The following SLC38A10 variants were observed in gnomAD, a reference collection of about 807,000 sequenced individuals.
SLC38A10 encodes the protein Sodium-coupled neutral amino acid transporter 10.
Under a neutral mutation model 81.0 loss-of-function variants are expected in SLC38A10, and 53 were observed. The observed-to-expected ratio is 0.65, with a 90% confidence interval of 0.53 to 0.82. SLC38A10 has a LOEUF of 0.82. SLC38A10 is among the 40% of genes least tolerant of loss of function. The pLI, the probability that SLC38A10 is intolerant of heterozygous loss-of-function variation, is 0.00. For missense variants in SLC38A10, 1,471 were observed against 1,545.0 expected, an observed-to-expected ratio of 0.95 and a Z score of 0.80; for synonymous variants, 665 against 655.3, an observed-to-expected ratio of 1.01 and a Z score of -0.23.
At position 81,274,171 on chromosome 17, in the gene SLC38A10, C is replaced by T. The variant is rs189410620; in HGVS notation, c.913-1544G>A. Among the ~76,000 whole-genome samples, 67 of 152,374 alleles carry T rather than the reference C, an allele frequency of 4.4e-4. No homozygotes were observed. In the East Asian group the frequency reaches 5.2e-3, roughly 12 times the overall value. On this transcript the variant is annotated intron_variant, in intron 8 of 15. Coordinates refer to ENST00000374759, the MANE Select transcript of SLC38A10 (RefSeq NM_001037984.3). Reference sequence around the variant, plus strand: ...GCGGAGGGACCCCACGGCCATATGACGGGCTCTGGCCTTGCCTCCTCGATC... The same window carrying T: ...GCGGAGGGACCCCACGGCCATATGATGGGCTCTGGCCTTGCCTCCTCGATC...
At position 81,247,187 on chromosome 17, in the gene SLC38A10, C is replaced by T. The variant is rs552833274; in HGVS notation, c.2066-126G>A. 3.9e-4 allele frequency: 364 copies of T among 930,892 alleles called. No individual in the cohort carries two copies. In the African/African-American group the frequency reaches 5.5e-3, roughly 14 times the overall value. 57.7% of individuals were successfully genotyped at this position (930,892 alleles called of 1,614,324 possible). A position where few individuals can be genotyped will look rare whatever the true frequency, so the allele number is the denominator to read the frequency against. On this transcript the variant is annotated intron_variant, in intron 14 of 15. Coordinates refer to ENST00000374759, the MANE Select transcript of SLC38A10 (RefSeq NM_001037984.3). ...GCAGGGAGTGTGCCCGAACACTGGC[C>T]ACTGGTGACACCCATCATGACTGTG...
intron 9 of SLC38A10, among the ~76,000 whole-genome samples, chr17:81,271,582 C>T (rs958579751): frequency 1.3e-5 from 2 of 152,114 alleles, no homozygotes; most frequent in Non-Finnish European, 1.5e-5. Flanking sequence ...GAGCCTTCAA[C>T]GCTTCCCTTG....
chr17:81,275,001 GTT>G (rs2063148401), intron 8 of SLC38A10, among the ~76,000 whole-genome samples: 1 of 152,178 alleles, frequency 6.6e-6, no homozygotes, highest in Non-Finnish European at 1.5e-5. Flanking sequence ...TGAACTCTTG[GTT>G]CAAGTGATCC....
chr17:81,248,621 C>T (rs2062875953), intron 14 of SLC38A10, among the ~76,000 whole-genome samples: 1 of 152,260 alleles, frequency 6.6e-6, no homozygotes, highest in Admixed American at 6.5e-5. Context: ...AAGTTCAATC[C>T]AGGAGCGAGA....
At chr17:81,278,397 AC>A (rs2063180710) in intron 6 of SLC38A10, among the ~76,000 whole-genome samples, 1 of 151,970 alleles carries the variant, frequency 6.6e-6, no homozygotes, top group East Asian at 1.9e-4. Context: ...AAAAAAGAAA[AC>A]CCAGCAGACT....
chr17:81,254,067 G>A (rs66847311), intron 11 of SLC38A10, among the ~76,000 whole-genome samples: 7,493 of 151,796 alleles, frequency 0.049, 334 homozygotes, highest in African/African-American at 0.12. Flanking sequence ...CATCATCGTC[G>A]TCACCTCCGT....
chr17:81,260,202 G>A, intron 11 of SLC38A10, 36 bp downstream of exon 11: 1 of 1,569,768 alleles, frequency 6.4e-7, no homozygotes, highest in Non-Finnish European at 8.6e-7. Context: ...GTGGGCACTT[G>A]CCCTGAGAAG....
chr17:81,291,298 T>A (rs1454894387), intron 1 of SLC38A10, among the ~76,000 whole-genome samples: 1 of 151,792 alleles, frequency 6.6e-6, no homozygotes, highest in Non-Finnish European at 1.5e-5. Flanking sequence ...CTGGCCAACA[T>A]GGTGAGACCC....
At chr17:81,260,612 C>T (rs1309655492) in intron 10 of SLC38A10, among the ~76,000 whole-genome samples, 1 of 152,210 alleles carries the variant, frequency 6.6e-6, no homozygotes, top group East Asian at 1.9e-4. Context: ...GCGAAGCTCC[C>T]GACCACTGGG....
intron 15 of SLC38A10, 51 bp from the exon 16 acceptor site, chr17:81,246,724 C>T: frequency 6.7e-7 from 1 of 1,499,694 alleles, no homozygotes; most frequent in African/African-American, 1.4e-5. Context: ...ACACAGGCTG[C>T]CAGTGGAGGG....
chr17:81,245,815 T>G lies in SLC38A10; in HGVS notation c.3101A>C (p.Asn1034Thr), dbSNP rs774927323. ...RAVPGGQRPD[N>T]AKPNRDLKLQ... ...TTTCAGGTCCCGGTTGGGCTTGGCA[T>G]TGTCCGGCCTCTGGCCCCCCGGGAC... The change falls in exon 16 of 16, where the codon AAT becomes ACT. Residue 1034 changes from asparagine (N) to threonine (T), a missense_variant. This residue lies in a region of SLC38A10 where 751 missense variants were observed against 717.4 expected (regional missense o/e 1.05). Transcript: ENST00000374759. The G allele has an allele frequency of 5.0e-6, 8 of 1,609,180 alleles. No homozygotes were observed. The Admixed American group carries it at 1.3e-4, about 27-fold the overall frequency.
rs1484753298 is a variant in SLC38A10, at chr17:81,265,731, C to T, written c.1131+5187G>A. ...GGACAGTGGCCACGCCGAGATGTGG[C>T]GCCACAGGCCCAGGGTACGGCCTTG... On this transcript the variant is annotated intron_variant, in intron 10 of 15. Transcript: ENST00000374759. The surrounding 1 kb of genome is among the most constrained non-coding windows in gnomAD (Gnocchi z 4.2). Among the ~76,000 whole-genome samples the T allele has an allele frequency of 6.6e-6, 1 of 152,244 alleles. No individual in the cohort carries two copies. The highest frequency in any genetic ancestry group is 1.5e-5 in the Non-Finnish European group (1 of 68,040).
chr17:81,260,337 CAG>C lies in SLC38A10; in HGVS notation c.1187_1188del (p.Ser396CysfsTer43). On this transcript the variant is annotated frameshift_variant, in exon 11 of 16. Coordinates refer to ENST00000374759, the MANE Select transcript of SLC38A10 (RefSeq NM_001037984.3). LOFTEE classifies it high-confidence loss of function. ...VLVVSTVTTL[S>X]VSEEVPEDLA... ...AAGTCCTCGGGGACCTCCTCGCTCACAGACAGTGTGGTGACAGTGCTCACCAC... is the reference window on the plus strand; with the variant it reads ...AAGTCCTCGGGGACCTCCTCGCTCACACAGTGTGGTGACAGTGCTCACCAC... 1 of 1,610,324 alleles carries C rather than the reference CAG, an allele frequency of 6.2e-7. No individual in the cohort carries two copies.
Position 81,260,934 on chromosome 17 carries a change from C to T in SLC38A10, c.1132-540G>A, listed in dbSNP as rs575548242. Among the ~76,000 whole-genome samples, 6 of 152,378 alleles carry T rather than the reference C, an allele frequency of 3.9e-5. No individual in the cohort carries two copies. In the East Asian group the frequency reaches 1.2e-3, roughly 29 times the overall value. ...TCCTGCACAACCCGCAAGGCTGGCCCCGTGCAGCAGACGCAGGCCCGTGCG... is the reference window on the plus strand; with the variant it reads ...TCCTGCACAACCCGCAAGGCTGGCCTCGTGCAGCAGACGCAGGCCCGTGCG... On this transcript the variant is annotated intron_variant, in intron 10 of 15. Coordinates refer to ENST00000374759, the MANE Select transcript of SLC38A10 (RefSeq NM_001037984.3).
chr17:81,275,959 A>C lies in SLC38A10; in HGVS notation c.912+10T>G. 1 of 1,610,632 alleles carries C rather than the reference A, an allele frequency of 6.2e-7. No homozygotes were observed. ...CTATTACGATCCGGAGAGTGCCCCG[A>C]GGGTCTTACCTGCTGCTCACACAGC... On this transcript the variant is annotated intron_variant, in intron 8 of 15. Coordinates refer to ENST00000374759, the MANE Select transcript of SLC38A10 (RefSeq NM_001037984.3).
At chr17:81,280,080 G>A (rs544395532) in intron 6 of SLC38A10, 22 of 435,950 alleles carry the variant, frequency 5.0e-5, no homozygotes, top group Admixed American at 2.4e-4. Context: ...AACCGGGCAC[G>A]AATCACTCGC....
chr17:81,249,529 A>AAGAGGAGGGAGGAG (rs1567922773), intron 14 of SLC38A10, among the ~76,000 whole-genome samples: 10 of 40,550 alleles, frequency 2.5e-4, no homozygotes, highest in Non-Finnish European at 1.1e-4. Context: ...GGAGGGAGGA[A>AAGAGGAGGGAGGAG]GGAAGAGGAA....
rs2063159860 is a variant in SLC38A10, at chr17:81,276,107, G to A, written c.774C>T (p.Gly258=). Residue 258 remains glycine (G), a synonymous_variant, in exon 8 of 16, where the codon GGC becomes GGT. Transcript: ENST00000374759. This position sits in a 1 kb window ranked among gnomAD's most constrained non-coding sequence, Gnocchi z 4.7. ...TGGAGGGAAAGTGCATGAGCACGTT[G>A]CCGGCCGTGGCCTCGGTGAAGCTGA... is the stretch of plus-strand genomic sequence containing the variant. ...GYVSFTEATA[G]NVLMHFPSNL... The A allele has an allele frequency of 6.2e-7, 1 of 1,613,698 alleles. No homozygotes were observed. Among genetic ancestry groups the A allele is most frequent in the Non-Finnish European group, 8.5e-7 (1 of 1,179,890 alleles).
rs374972464 is a variant in SLC38A10, at chr17:81,252,170, G to A, written c.1945+25C>T. 18 of 1,493,942 alleles carry A rather than the reference G, an allele frequency of 1.2e-5. No individual in the cohort carries two copies. The African/African-American group carries it at 1.7e-4, about 14-fold the overall frequency. The allele number at this position is 1,493,942 out of a possible 1,614,324, so 92.5% of individuals were successfully genotyped here. On this transcript the variant is annotated intron_variant, in intron 13 of 15. Coordinates refer to ENST00000374759, the MANE Select transcript of SLC38A10 (RefSeq NM_001037984.3). The stretch of plus-strand genomic sequence containing the variant: ...CCAGCCCAAGAGGGGAGTGTCTTCC[G>A]ACACGAGCCCAGGCTGACACCCACC...
Sources: allele counts gnomAD v4.1 joint callset (sites outside exome capture counted in the v4.1 genomes callset), GRCh38; gene constraint gnomAD v4.1.1; regional missense constraint gnomAD v4.1.1; non-coding constraint Gnocchi (gnomAD v3.1); transcripts MANE v1.5; gene names NCBI Gene and HGNC (gene_info 2026-07-23, HGNC 2026-07-21).